The following LYPD1 variants were observed in gnomAD, a reference collection of about 807,000 sequenced individuals.
LYPD1 encodes LY6/PLAUR domain containing 1.
In LYPD1, 14 loss-of-function variants were observed where a neutral mutation model predicts 14.2. The observed-to-expected ratio is 0.99, with a 90% confidence interval of 0.65 to 1.54. LYPD1 has a LOEUF of 1.54. Ranked by LOEUF, LYPD1 falls within the 40% of genes most tolerant of loss-of-function variation. The pLI, the probability that LYPD1 is intolerant of heterozygous loss-of-function variation, is 0.00. For missense variants in LYPD1, 165 were observed against 175.7 expected (o/e 0.94, Z 0.34); for synonymous variants, 85 against 70.6 (o/e 1.20, Z -1.02).
At chr2:132,659,378 G>A (rs73955777) in intron 2 of LYPD1, among the ~76,000 whole-genome samples, 2,066 of 152,298 alleles carry the variant, frequency 0.014, 45 homozygotes, top group African/African-American at 0.047. Context: ...GCATGAGAGA[G>A]TGTGCGTGAG....
chr2:132,668,506 A>T lies in LYPD1; in HGVS notation c.84T>A (p.Cys28Ter), dbSNP rs775526259. The T allele has an allele frequency of 1.2e-6, 2 of 1,612,466 alleles. No homozygotes were observed. The highest frequency in any genetic ancestry group is 8.5e-7 in the Non-Finnish European group (1 of 1,179,382). ...AGTCGTTGTTCAGCTGGAATTCTTC[A>T]CACTGGTAGCACTGGATTTGCAGCG... ...GFALQIQCYQ[C>*]EEFQLNNDCS... The change falls in exon 2 of 3, where the codon TGT (cysteine) becomes TGA (stop). Residue 28 changes from cysteine (C) to a stop codon, truncating the protein, a stop_gained. Coordinates refer to ENST00000397463, the MANE Select transcript of LYPD1 (RefSeq NM_144586.7). LOFTEE classifies it high-confidence loss of function.
intron 2 of LYPD1, among the ~76,000 whole-genome samples, chr2:132,650,718 AAAAAAAAAAC>A (rs201424007): frequency 0.071 from 8,527 of 120,142 alleles, 818 homozygotes; most frequent in African/African-American, 0.21. Context: ...CTTCCTTTAA[AAAAAAAAAAC>A]AAAAAACAAA....
intron 2 of LYPD1, among the ~76,000 whole-genome samples, chr2:132,662,253 T>G (rs1192737893): frequency 6.6e-6 from 1 of 152,222 alleles, no homozygotes. Context: ...CAGGTTTCCA[T>G]GTCTAGCACT....
intron 2 of LYPD1, among the ~76,000 whole-genome samples, chr2:132,647,950 T>C (rs1682192127): frequency 6.7e-6 from 1 of 149,366 alleles, no homozygotes; most frequent in Non-Finnish European, 1.5e-5. Context: ...CATGCAATTT[T>C]ATGTCATTTT....
Position 132,645,169 on chromosome 2 carries a change from A to G in LYPD1, c.*876T>C. On this transcript the variant is annotated 3_prime_UTR_variant, in exon 3 of 3. Coordinates refer to ENST00000397463, the MANE Select transcript of LYPD1 (RefSeq NM_144586.7). ...GATTCGGAGGATCATGGCTGCGGCC[A>G]AACCCAAGCACGACTGGACGAGGTC... 6.2e-7 allele frequency: 1 copy of G among 1,614,174 alleles called. No homozygotes were observed. The highest frequency in any genetic ancestry group is 8.5e-7 in the Non-Finnish European group (1 of 1,180,034).
rs1486222937 is a variant in LYPD1 at position 132,643,460 on chromosome 2, T to C, written c.*2585A>G. 6.6e-6 allele frequency among the ~76,000 whole-genome samples: 1 copy of C among 152,210 alleles called. No individual in the cohort carries two copies. Among genetic ancestry groups the C allele is most frequent in the Non-Finnish European group, 1.5e-5 (1 of 68,036 alleles). On this transcript the variant is annotated 3_prime_UTR_variant, in exon 3 of 3. Transcript: ENST00000397463. ...AGCAGGCAAGGAATACTCAGGCCAG[T>C]GCATACAGGAGGCTCAATTCTGGAT... is the stretch of plus-strand genomic sequence containing the variant.
At chr2:132,656,773 C>T (rs968476070) in intron 2 of LYPD1, among the ~76,000 whole-genome samples, 2 of 152,152 alleles carry the variant, frequency 1.3e-5, no homozygotes, top group Non-Finnish European at 2.9e-5. Context: ...AAGCCCCCTC[C>T]ATTTGAGTTG....
Position 132,670,030 on chromosome 2 carries a change from G to T in LYPD1, c.-98C>A. 6.4e-7 allele frequency: 1 copy of T among 1,557,928 alleles called. No individual in the cohort carries two copies. The highest frequency in any genetic ancestry group is 8.6e-7 in the Non-Finnish European group (1 of 1,160,766). On this transcript the variant is annotated 5_prime_UTR_variant, in exon 1 of 3. Transcript: ENST00000397463. This position sits in a 1 kb window ranked among gnomAD's most constrained non-coding sequence, Gnocchi z 4.5. ...TGCAGCGGCTGTGGCTGCCGAGGCT[G>T]CTGGGGCCCGCGCTGCTGCCGCGGA...
At chr2:132,648,075 T>G (rs961457911) in intron 2 of LYPD1, among the ~76,000 whole-genome samples, 2 of 152,256 alleles carry the variant, frequency 1.3e-5, no homozygotes, top group Non-Finnish European at 2.9e-5. Context: ...TGTATCTATG[T>G]GTGGGAGGCA....
At chr2:132,658,505 C>A (rs750401575) in intron 2 of LYPD1, among the ~76,000 whole-genome samples, 1 of 152,106 alleles carries the variant, frequency 6.6e-6, no homozygotes, top group Non-Finnish European at 1.5e-5. Context: ...CTTGGCCTTC[C>A]ACCTGAGGAT....
chr2:132,664,891 AAGCAAG>A (rs1471255944), intron 2 of LYPD1, among the ~76,000 whole-genome samples: 1 of 152,276 alleles, frequency 6.6e-6, no homozygotes, highest in African/African-American at 2.4e-5. Flanking sequence ...GTGCAATGAC[AAGCAAG>A]AGCAAAAGAA....
At position 132,646,287 on chromosome 2, in the gene LYPD1, C is replaced by T. The variant is rs754397636; in HGVS notation, c.191-7G>A. The T allele has an allele frequency of 5.4e-6, 8 of 1,478,468 alleles. No homozygotes were observed. Among genetic ancestry groups the T allele is most frequent in the South Asian group, 1.4e-5 (1 of 69,414 alleles). The allele number at this position is 1,478,468 out of a possible 1,614,324, so 91.6% of individuals were successfully genotyped here. A position where few individuals can be genotyped will look rare whatever the true frequency, so the allele number is the denominator to read the frequency against. On this transcript the variant is annotated splice_region_variant and splice_polypyrimidine_tract_variant and intron_variant, in intron 2 of 2. Coordinates refer to ENST00000397463, the MANE Select transcript of LYPD1 (RefSeq NM_144586.7). ...GACTTGCGGTACATGATCCCTGTAA[C>T]ACAGACCCAAAGGAGCTGAGTTAAC...
intron 2 of LYPD1, among the ~76,000 whole-genome samples, chr2:132,651,960 G>A (rs1171311265): frequency 1.3e-5 from 2 of 152,162 alleles, no homozygotes; most frequent in Non-Finnish European, 2.9e-5. Context: ...ACCACGGTTC[G>A]GCACAACTGC....
chr2:132,645,219 C>T lies in LYPD1; in HGVS notation c.*826G>A, dbSNP rs368969150. The T allele has an allele frequency of 1.5e-5, 24 of 1,614,080 alleles. No homozygotes were observed. The highest frequency in any genetic ancestry group is 2.2e-5 in the East Asian group (1 of 44,892). ...CCTACTTCCGGGCGTACATGATCCT[C>T]CTCCCCTTCTCGGAGACGTTTTTCT... is the stretch of plus-strand genomic sequence containing the variant. On this transcript the variant is annotated 3_prime_UTR_variant, in exon 3 of 3. Transcript: ENST00000397463.
At chr2:132,665,188 G>A (rs1000502215) in intron 2 of LYPD1, among the ~76,000 whole-genome samples, 1 of 152,180 alleles carries the variant, frequency 6.6e-6, no homozygotes, top group Non-Finnish European at 1.5e-5. Context: ...AAAATTAAAT[G>A]TACCTGCCTC....
In LYPD1 at chr2:132,646,193, A is replaced by G; in HGVS notation, c.278T>C (p.Leu93Pro). ...GCAGCAGCTGATGCAAACTGAGTTC[A>G]GTTTCCCTGGGGAGCAGAAGGACTG... ...GYQSFCSPGKLNSVCISCCNT... is the reference protein window; with the variant it reads ...GYQSFCSPGKPNSVCISCCNT... Residue 93 changes from leucine to proline, a missense_variant, in exon 3 of 3, where the codon CTG becomes CCG. Transcript: ENST00000397463. 2 of 1,609,648 alleles carry G rather than the reference A, an allele frequency of 1.2e-6. No homozygotes were observed. Among genetic ancestry groups the G allele is most frequent in the South Asian group, 2.2e-5 (2 of 90,242 alleles).
Position 132,669,761 on chromosome 2 carries a change from C to G in LYPD1, c.52+120G>C. 1 of 1,472,710 alleles carries G rather than the reference C, an allele frequency of 6.8e-7. No individual in the cohort carries two copies. The highest frequency in any genetic ancestry group is 8.9e-7 in the Non-Finnish European group (1 of 1,118,860). 91.2% of individuals were successfully genotyped at this position (1,472,710 alleles called of 1,614,324 possible). A position where few individuals can be genotyped will look rare whatever the true frequency, so the allele number is the denominator to read the frequency against. On this transcript the variant is annotated intron_variant, in intron 1 of 2. Transcript: ENST00000397463. This position sits in a 1 kb window ranked among gnomAD's most constrained non-coding sequence, Gnocchi z 4.3. ...GGGGCACCAGTCGCGGCCGCCAACT[C>G]CCGCTGGGCAGCCCCAGCGCAGGGC...
Position 132,645,311 on chromosome 2 carries a change from T to G in LYPD1, c.*734A>C. Reference sequence around the variant, plus strand: ...TCGCAGCAGTTTCGGCGGGTGTTCGTGCAGGTGCTGTGCTGCCGCCTGTCG... The same window carrying G: ...TCGCAGCAGTTTCGGCGGGTGTTCGGGCAGGTGCTGTGCTGCCGCCTGTCG... On this transcript the variant is annotated 3_prime_UTR_variant, in exon 3 of 3. Transcript: ENST00000397463. The G allele has an allele frequency of 6.2e-7, 1 of 1,614,208 alleles. No individual in the cohort carries two copies. Among genetic ancestry groups the G allele is most frequent in the Non-Finnish European group, 8.5e-7 (1 of 1,180,030 alleles).
chr2:132,654,765 ATTTG>A (rs912666061), intron 2 of LYPD1, among the ~76,000 whole-genome samples: 4 of 134,768 alleles, frequency 3.0e-5, no homozygotes, highest in Admixed American at 1.5e-4. Flanking sequence ...TTATTTATTT[ATTTG>A]ATGGAGCCTC....
Sources: allele counts gnomAD v4.1 joint callset (sites outside exome capture counted in the v4.1 genomes callset), GRCh38; gene constraint gnomAD v4.1.1; non-coding constraint Gnocchi (gnomAD v3.1); transcripts MANE v1.5; gene names NCBI Gene and HGNC (gene_info 2026-07-23, HGNC 2026-07-21).